Variants in DUSP22 observed in about 807,000 individuals in gnomAD.
DUSP22 encodes the protein dual specificity protein phosphatase 22.
Under a neutral mutation model 24.5 loss-of-function variants are expected in DUSP22, and 24 were observed. That is an observed-to-expected ratio of 0.98 (90% confidence interval 0.71 to 1.38). DUSP22 has a LOEUF of 1.38. Among genes scored for constraint, DUSP22 ranks in the 40% most tolerant of loss-of-function variants. The pLI, the probability that DUSP22 is intolerant of heterozygous loss-of-function variation, is 0.00. For missense variants in DUSP22, 330 were observed against 269.2 expected (o/e 1.23, Z -1.58); for synonymous variants, 160 against 106.4 (o/e 1.50, Z -3.10).
intron 3 of DUSP22, among the ~76,000 whole-genome samples, chr6:315,737 T>A (rs1763145061): frequency 6.6e-6 from 1 of 152,304 alleles, no homozygotes; most frequent in African/African-American, 2.4e-5. Flanking sequence ...CAGAAAGTTC[T>A]TCCCTTTGAA....
chr6:342,084 A>G (rs1759634043), intron 4 of DUSP22, among the ~76,000 whole-genome samples: 2 of 152,306 alleles, frequency 1.3e-5, no homozygotes, highest in South Asian at 2.1e-4. Context: ...TCATCTTTAC[A>G]AGACCTTGGT....
chr6:305,563 C>T (rs1167299500), intron 2 of DUSP22, among the ~76,000 whole-genome samples: 7 of 152,300 alleles, frequency 4.6e-5, no homozygotes, highest in African/African-American at 4.8e-5. Context: ...CCACTTGTTC[C>T]GTACTGATTG....
intron 4 of DUSP22, among the ~76,000 whole-genome samples, chr6:342,270 C>T (rs929956929): frequency 6.6e-5 from 10 of 152,422 alleles, no homozygotes; most frequent in South Asian, 2.1e-4. Context: ...GGCTGCTCTG[C>T]GTACAGACAC....
At chr6:309,699 CACACACACACACACACACAT>C (rs1358054189) in intron 2 of DUSP22, among the ~76,000 whole-genome samples, 6 of 115,670 alleles carry the variant, frequency 5.2e-5, no homozygotes, top group Admixed American at 9.3e-5. Flanking sequence ...CACACACACA[CACACACACACACACACACAT>C]ACTATAAAGA....
intron 3 of DUSP22, among the ~76,000 whole-genome samples, chr6:330,128 G>A (rs1759075190): frequency 1.3e-5 from 2 of 152,306 alleles, no homozygotes; most frequent in South Asian, 4.1e-4. Flanking sequence ...ATTGCTGGAG[G>A]AGGACCCCCC....
At chr6:306,943 G>A (rs367734972) in intron 2 of DUSP22, among the ~76,000 whole-genome samples, 9 of 152,422 alleles carry the variant, frequency 5.9e-5, no homozygotes, top group East Asian at 3.9e-4. Context: ...TGATGCCCTC[G>A]GTGGGCTCAG....
rs1273491730 is a variant in DUSP22, at chr6:348,845, A to G, written c.512A>G (p.Lys171Arg). Reference protein sequence around the residue: ...DAEEAKNILGKYKEQGRTEPQ... With the variant: ...DAEEAKNILGRYKEQGRTEPQ... ...GAAGAAGCCAAAAACATTCTGGGTA[A>G]ATATAAGGAGCAAGGGCGCACAGAG... The change falls in exon 7 of 7, where the codon AAA becomes AGA. Residue 171 changes from lysine (K) to arginine (R), a missense_variant. Lys to Arg is a conservative substitution (Grantham distance 26). Coordinates refer to ENST00000419235, the MANE Select transcript of DUSP22 (RefSeq NM_001286555.3). 1.2e-6 allele frequency: 2 copies of G among 1,614,312 alleles called. No individual in the cohort carries two copies. The highest frequency in any genetic ancestry group is 1.1e-5 in the South Asian group (1 of 91,090).
chr6:304,786 A>G (rs1300088856), intron 2 of DUSP22, 125 bp downstream of exon 2: 1 of 1,367,286 alleles, frequency 7.3e-7, no homozygotes, highest in Non-Finnish European at 1.0e-6. Context: ...GCCATCACCA[A>G]CATCCTTCTG....
rs1760075432 is a variant in DUSP22, at chr6:349,487, G to T, written c.*536G>T. The T allele has an allele frequency of 2.0e-6, 2 of 1,005,848 alleles. No homozygotes were observed. 62.3% of individuals were successfully genotyped at this position (1,005,848 alleles called of 1,614,324 possible). A position where few individuals can be genotyped will look rare whatever the true frequency, so the allele number is the denominator to read the frequency against. On this transcript the variant is annotated 3_prime_UTR_variant, in exon 7 of 7. Coordinates refer to ENST00000419235, the MANE Select transcript of DUSP22 (RefSeq NM_001286555.3). ...AAAGCTACCCAGCAAAGAGCAGTCT[G>T]TGCCTCTGAGCAGACCGTGAGAACT...
At chr6:296,603 A>T (rs961350304) in intron 1 of DUSP22, among the ~76,000 whole-genome samples, 2 of 152,306 alleles carry the variant, frequency 1.3e-5, no homozygotes, top group African/African-American at 4.8e-5. Flanking sequence ...TGAACCCTCA[A>T]ATCTTTTGGG....
chr6:328,762 A>G (rs535607383), intron 3 of DUSP22, among the ~76,000 whole-genome samples: 352 of 152,254 alleles, frequency 2.3e-3, no homozygotes, highest in African/African-American at 8.2e-3. Flanking sequence ...GAGCATATTT[A>G]TCTGCCGTGG....
At chr6:301,390 A>G (rs1354358285) in intron 1 of DUSP22, among the ~76,000 whole-genome samples, 1 of 152,302 alleles carries the variant, frequency 6.6e-6, no homozygotes, top group Non-Finnish European at 1.5e-5. Context: ...GGCTGGACAT[A>G]AGAAAGAAGT....
intron 1 of DUSP22, among the ~76,000 whole-genome samples, chr6:303,999 T>C (rs1757701969): frequency 6.6e-6 from 1 of 152,420 alleles, no homozygotes; most frequent in East Asian, 1.9e-4. Flanking sequence ...TATGTGGAGG[T>C]TGGATCATTT....
At chr6:348,661 C>G (rs1760005082) in intron 6 of DUSP22, 108 bp from the exon 7 acceptor site, 1 of 1,533,122 alleles carries the variant, frequency 6.5e-7, no homozygotes. Flanking sequence ...GTTTGTTTCC[C>G]TGGTTATGTG....
At chr6:323,225 T>C (rs1346087583) in intron 3 of DUSP22, among the ~76,000 whole-genome samples, 1 of 149,274 alleles carries the variant, frequency 6.7e-6, no homozygotes, top group Non-Finnish European at 1.5e-5. Context: ...TGGGATGTTT[T>C]AAAGGCGTGT....
intron 3 of DUSP22, 26 bp from the exon 4 acceptor site, chr6:335,088 T>A (rs1413326770): frequency 1.2e-6 from 2 of 1,608,636 alleles, no homozygotes; most frequent in East Asian, 4.5e-5. Flanking sequence ...TTTATTTTTA[T>A]GTATTTACTT....
chr6:342,988 C>CT (rs1759680998), intron 4 of DUSP22, among the ~76,000 whole-genome samples: 1 of 152,304 alleles, frequency 6.6e-6, no homozygotes, highest in Non-Finnish European at 1.5e-5. Context: ...CTACCCAGCT[C>CT]TTTGCTGGGG....
intron 3 of DUSP22, among the ~76,000 whole-genome samples, chr6:313,128 C>T (rs867668654): frequency 1.4e-3 from 219 of 152,342 alleles, no homozygotes; most frequent in African/African-American, 5.2e-3. Flanking sequence ...TAAAATACAG[C>T]CAAGCTATGG....
At chr6:311,780 T>C (rs1758112657) in intron 2 of DUSP22, 100 bp from the exon 3 acceptor site, 2 of 1,291,328 alleles carry the variant, frequency 1.5e-6, no homozygotes, top group Non-Finnish European at 2.1e-6. Context: ...GAAAGAAATA[T>C]GCAAGTCATT....
Sources: gnomAD v4.1 joint callset for allele counts (sites outside exome capture counted in the v4.1 genomes callset) on GRCh38, gnomAD v4.1.1 for gene constraint, MANE v1.5 for transcripts, NCBI Gene and HGNC (gene_info 2026-07-23, HGNC 2026-07-21) for gene names.